DEPTOR: variants seen among roughly 807,000 people sequenced by gnomAD.
The protein encoded by DEPTOR is DEP domain-containing mTOR-interacting protein.
In DEPTOR, 41 loss-of-function variants were observed where a neutral mutation model predicts 41.6. The ratio of observed to expected loss-of-function variants is 0.98; its 90% CI spans 0.77 to 1.28. DEPTOR has a LOEUF of 1.28. Among genes scored for constraint, DEPTOR ranks in the 50% most tolerant of loss-of-function variants. DEPTOR has a pLI of 0.00. For synonymous variants in DEPTOR, 195 were observed against 192.3 expected (o/e 1.01, Z -0.12); for missense variants, 514 against 527.9 (o/e 0.97, Z 0.26).
At chr8:120,030,841 G>T (rs1369738586) in intron 8 of DEPTOR, among the ~76,000 whole-genome samples, 2 of 151,842 alleles carry the variant, frequency 1.3e-5, no homozygotes, top group African/African-American at 4.8e-5. Context: ...TGTCACCCAG[G>T]CTAGAGTGCA....
intron 3 of DEPTOR, among the ~76,000 whole-genome samples, chr8:119,932,238 G>T (rs1216724884): frequency 6.6e-6 from 1 of 151,922 alleles, no homozygotes; most frequent in African/African-American, 2.4e-5. Flanking sequence ...TCTTGCCTTG[G>T]CCTCTCAAAG....
intron 4 of DEPTOR, among the ~76,000 whole-genome samples, chr8:119,977,593 T>C (rs1644307846): frequency 6.6e-6 from 1 of 152,170 alleles, no homozygotes; most frequent in South Asian, 2.1e-4. Flanking sequence ...GGAGGAAGAA[T>C]AGACACAGCC....
Position 120,049,696 on chromosome 8 carries a change from G to A in DEPTOR, c.1222G>A (p.Glu408Lys), listed in dbSNP as rs1216475532. The A allele has an allele frequency of 6.2e-7, 1 of 1,613,924 alleles. No individual in the cohort carries two copies. The highest frequency in any genetic ancestry group is 2.2e-5 in the East Asian group (1 of 44,872). The change falls in exon 9 of 9, where the codon GAG becomes AAG. Residue 408 changes from glutamate to lysine, a missense_variant. Transcript: ENST00000286234. ...TIVMEVMEELEC is the reference protein window; with the variant it reads ...TIVMEVMEELKC Reference sequence around the variant, plus strand: ...TGTCATGGAAGTCATGGAGGAGTTAGAGTGCTGAGCTCCTGGGCCTCCCAG... The same window carrying A: ...TGTCATGGAAGTCATGGAGGAGTTAAAGTGCTGAGCTCCTGGGCCTCCCAG...
chr8:120,037,837 G>C (rs147187140), intron 8 of DEPTOR, among the ~76,000 whole-genome samples: 5 of 152,148 alleles, frequency 3.3e-5, no homozygotes. Context: ...AAATGCCCCT[G>C]TCACATTCCC....
chr8:119,972,176 G>T (rs1224730876), intron 4 of DEPTOR, among the ~76,000 whole-genome samples: 1 of 152,226 alleles, frequency 6.6e-6, no homozygotes, highest in African/African-American at 2.4e-5. Context: ...TCAAATGCTA[G>T]CTCTTGTACA....
At chr8:119,981,395 G>A (rs1000839306) in intron 4 of DEPTOR, among the ~76,000 whole-genome samples, 9 of 152,088 alleles carry the variant, frequency 5.9e-5, no homozygotes, top group African/African-American at 1.4e-4. Context: ...AGTGGCTCAC[G>A]CCTGTATTCC....
chr8:119,911,704 A>T (rs1827747774), intron 1 of DEPTOR, among the ~76,000 whole-genome samples: 1 of 152,206 alleles, frequency 6.6e-6, no homozygotes, highest in Admixed American at 6.5e-5. Context: ...GGAACTAAAC[A>T]CACACGGGTA....
intron 4 of DEPTOR, among the ~76,000 whole-genome samples, chr8:119,993,934 A>C (rs1586649194): frequency 6.6e-6 from 1 of 152,054 alleles, no homozygotes; most frequent in Admixed American, 6.6e-5. Context: ...AGGCAGGTAG[A>C]TTACCTGAGG....
chr8:119,873,897 C>A lies in DEPTOR; in HGVS notation c.51C>A (p.Ser17Arg). Residue 17 changes from serine (S) to arginine (R), a missense_variant, in exon 1 of 9, where the codon AGC becomes AGA. Coordinates refer to ENST00000286234, the MANE Select transcript of DEPTOR (RefSeq NM_022783.4). ...TGSAGSDSSTSGSGGAQQREL... is the reference protein window; with the variant it reads ...TGSAGSDSSTRGSGGAQQREL... Reference sequence around the variant, plus strand: ...GTGCTGGCAGTGACAGCAGCACCAGCGGGAGTGGCGGGGCGCAGCAAAGGG... The same window carrying A: ...GTGCTGGCAGTGACAGCAGCACCAGAGGGAGTGGCGGGGCGCAGCAAAGGG... The A allele has an allele frequency of 5.0e-6, 8 of 1,613,674 alleles. No individual in the cohort carries two copies. The highest frequency in any genetic ancestry group is 6.8e-6 in the Non-Finnish European group (8 of 1,179,858).
At chr8:119,984,774 A>G (rs1003717479) in intron 4 of DEPTOR, among the ~76,000 whole-genome samples, 4 of 152,194 alleles carry the variant, frequency 2.6e-5, no homozygotes, top group Non-Finnish European at 4.4e-5. Context: ...AATCCTTTGG[A>G]TATATACCTA....
rs536317543 is a variant in DEPTOR at position 120,029,661 on chromosome 8, G to T, written c.1102-19915G>T. On this transcript the variant is annotated intron_variant, in intron 8 of 8. Transcript: ENST00000286234. ...TCCACCCACCTCGGCCTCCCAAAGT[G>T]CTGGGATTACAGGCGTGAGCCACCG... Among the ~76,000 whole-genome samples the T allele has an allele frequency of 4.0e-4, 61 of 152,290 alleles. 1 individual carries two copies. In the East Asian group the frequency reaches 0.011, roughly 28 times the overall value.
Position 120,001,518 on chromosome 8 carries a change from TCC to T in DEPTOR, c.605-4_605-3del. On this transcript the variant is annotated splice_polypyrimidine_tract_variant and splice_region_variant and intron_variant, in intron 4 of 8. Coordinates refer to ENST00000286234, the MANE Select transcript of DEPTOR (RefSeq NM_022783.4). ...TCCTCATTGGTTGTTTTTTTTTTTC[TCC>T]CCAGTGTCCAACAAGCACCCATTTG... 6.3e-7 allele frequency: 1 copy of T among 1,583,224 alleles called. No homozygotes were observed. The highest frequency in any genetic ancestry group is 1.4e-5 in the African/African-American group (1 of 72,208).
chr8:119,912,347 AAAC>A (rs1407767062), intron 1 of DEPTOR, among the ~76,000 whole-genome samples: 3 of 152,348 alleles, frequency 2.0e-5, no homozygotes, highest in East Asian at 3.9e-4. Context: ...CATTTGGAAG[AAAC>A]AACACCTGTT....
chr8:120,001,862 T>A, intron 5 of DEPTOR, 152 bp downstream of exon 5: 1 of 932,674 alleles, frequency 1.1e-6, no homozygotes, highest in Non-Finnish European at 1.5e-6. Context: ...TCTGAAACCC[T>A]AAGTTTTTCT....
chr8:120,036,306 C>G (rs1173473691), intron 8 of DEPTOR, among the ~76,000 whole-genome samples: 1 of 152,182 alleles, frequency 6.6e-6, no homozygotes, highest in Non-Finnish European at 1.5e-5. Context: ...GTTAGTCATT[C>G]TTATATATGG....
At chr8:119,971,954 C>G (rs1223739931) in intron 4 of DEPTOR, among the ~76,000 whole-genome samples, 3 of 152,200 alleles carry the variant, frequency 2.0e-5, no homozygotes, top group Admixed American at 6.5e-5. Context: ...CAACACAATT[C>G]AGTGCACCAG....
chr8:119,991,924 C>T (rs181881611), intron 4 of DEPTOR, among the ~76,000 whole-genome samples: 66 of 152,244 alleles, frequency 4.3e-4, no homozygotes, highest in African/African-American at 1.5e-3. Context: ...TGTGATCTAG[C>T]AGGACCCAGA....
intron 8 of DEPTOR, among the ~76,000 whole-genome samples, chr8:120,045,032 G>A (rs980753408): frequency 6.6e-6 from 1 of 152,148 alleles, no homozygotes; most frequent in Non-Finnish European, 1.5e-5. Context: ...AAGATGTCAT[G>A]GGCTTTTTCT....
At chr8:119,958,796 AAAG>A (rs1311436008) in intron 3 of DEPTOR, among the ~76,000 whole-genome samples, 5 of 151,766 alleles carry the variant, frequency 3.3e-5, no homozygotes, top group African/African-American at 4.9e-5. Context: ...AAAAAAAGAA[AAAG>A]AAGAAGAATA....
Sources: gnomAD v4.1 joint callset for allele counts (sites outside exome capture counted in the v4.1 genomes callset) on GRCh38, gnomAD v4.1.1 for gene constraint, MANE v1.5 for transcripts, NCBI Gene and HGNC (gene_info 2026-07-23, HGNC 2026-07-21) for gene names.